The following WWOX variants were observed in gnomAD, a reference collection of about 807,000 sequenced individuals.
WWOX encodes the protein WW domain containing oxidoreductase.
A neutral mutation model predicts 46.2 loss-of-function variants in WWOX; 69 were observed. The ratio of observed to expected loss-of-function variants is 1.49; its 90% confidence interval spans 1.23 to 1.82. The LOEUF (loss-of-function observed/expected upper bound fraction) is 1.82, where lower values mean the gene tolerates loss of function less well. WWOX is among the 40% of genes most tolerant of loss of function. WWOX has a pLI of 0.00. For missense variants in WWOX, 919 were observed against 542.6 expected, an observed-to-expected ratio of 1.69 and a Z score of -6.89; for synonymous variants, 359 against 202.6, an observed-to-expected ratio of 1.77 and a Z score of -6.56.
intron 8 of WWOX, among the ~76,000 whole-genome samples, chr16:78,663,305 T>C (rs533501200): frequency 3.9e-5 from 6 of 152,226 alleles, no homozygotes; most frequent in Admixed American, 3.9e-4. Flanking sequence ...TGTTATTTCA[T>C]GTATTAATAT....
intron 8 of WWOX, among the ~76,000 whole-genome samples, chr16:79,090,807 T>C (rs2048944417): frequency 6.6e-6 from 1 of 152,092 alleles, no homozygotes; most frequent in South Asian, 2.1e-4. Context: ...AAGACTCTGT[T>C]TTGGTTATTT....
chr16:78,466,694 A>G (rs551545232), intron 8 of WWOX, among the ~76,000 whole-genome samples: 1 of 152,126 alleles, frequency 6.6e-6, no homozygotes, highest in Non-Finnish European at 1.5e-5. Context: ...CTATAAATAC[A>G]AAAATTAGCC....
chr16:78,178,737 G>A (rs554065577), intron 5 of WWOX, among the ~76,000 whole-genome samples: 2 of 152,164 alleles, frequency 1.3e-5, no homozygotes, highest in South Asian at 4.1e-4. Context: ...CTTGGCGCAT[G>A]GCTATAATCC....
intron 8 of WWOX, among the ~76,000 whole-genome samples, chr16:78,811,870 T>G (rs2051198673): frequency 6.6e-6 from 1 of 152,228 alleles, no homozygotes; most frequent in African/African-American, 2.4e-5. Flanking sequence ...TTAAGCTTGG[T>G]AAGCCTCTCT....
At position 78,887,080 on chromosome 16, in the gene WWOX, GTGTGTGTGTGTGTGTGTGTGT is replaced by G. The variant is rs2044476710; in HGVS notation, c.1057-324527_1057-324507del. 5.3e-3 allele frequency among the ~76,000 whole-genome samples: 655 copies of G among 122,556 alleles called. 8 individuals are homozygous for G. The highest frequency in any genetic ancestry group is 6.8e-3 in the Non-Finnish European group (418 of 61,318). 80.4% of individuals were successfully genotyped at this position (122,556 alleles called of 152,430 possible). On this transcript the variant is annotated intron_variant, in intron 8 of 8. Transcript: ENST00000566780. ...CTGGCTATATGTGTGTGTGTGTGGT[GTGTGTGTGTGTGTGTGTGTGT>G]GTGTGTGTGTGTGTGTGTGTGTGTG... is the stretch of plus-strand genomic sequence containing the variant.
intron 8 of WWOX, among the ~76,000 whole-genome samples, chr16:78,842,880 G>T (rs1434572652): frequency 6.7e-6 from 1 of 149,718 alleles, no homozygotes; most frequent in Non-Finnish European, 1.5e-5. Context: ...GAATACAAGG[G>T]GGGATAAAGA....
chr16:79,005,674 T>C (rs2047176520), intron 8 of WWOX, among the ~76,000 whole-genome samples: 1 of 152,184 alleles, frequency 6.6e-6, no homozygotes, highest in African/African-American at 2.4e-5. Flanking sequence ...ATGTTCTTCT[T>C]ATAAGGACAC....
rs141926197 is a variant in WWOX at position 78,820,906 on chromosome 16, A to C, written c.1056+388154A>C. On this transcript the variant is annotated intron_variant, in intron 8 of 8. Transcript: ENST00000566780. ...TTGGAAACACCACATTCTAATCTCT[A>C]CTTCCTCCCTTACATCACCTTCTCC... Among the ~76,000 whole-genome samples the C allele has an allele frequency of 8.6e-3, 1,314 of 152,004 alleles. 7 individuals carry two copies. The highest frequency in any genetic ancestry group is 0.013 in the Non-Finnish European group (914 of 67,948).
At chr16:79,198,218 A>G (rs1196032639) in intron 8 of WWOX, among the ~76,000 whole-genome samples, 2 of 152,090 alleles carry the variant, frequency 1.3e-5, no homozygotes, top group Non-Finnish European at 2.9e-5. Flanking sequence ...TGTGCCTGCA[A>G]TCCCAGCTAC....
At chr16:79,194,239 T>G (rs2010020) in intron 8 of WWOX, among the ~76,000 whole-genome samples, 14,380 of 152,244 alleles carry the variant, frequency 0.094, 818 homozygotes, top group East Asian at 0.17. Flanking sequence ...ACTGGTCATT[T>G]TGTTTATCCA....
intron 8 of WWOX, among the ~76,000 whole-genome samples, chr16:78,733,681 G>C (rs1394706789): frequency 6.6e-6 from 1 of 152,046 alleles, no homozygotes; most frequent in Admixed American, 6.5e-5. Flanking sequence ...TTTGAACTTG[G>C]GAGGTGGAGG....
chr16:78,998,538 G>C (rs2047033886), intron 8 of WWOX, among the ~76,000 whole-genome samples: 1 of 152,130 alleles, frequency 6.6e-6, no homozygotes. Flanking sequence ...TCAAATCTTG[G>C]CTCTACCACC....
intron 8 of WWOX, among the ~76,000 whole-genome samples, chr16:79,150,793 C>T (rs1040106900): frequency 3.3e-5 from 5 of 152,134 alleles, no homozygotes; most frequent in African/African-American, 9.7e-5. Context: ...AGGCGTGTGT[C>T]ACTGCATCCA....
chr16:78,871,966 G>C (rs1169153565), intron 8 of WWOX, among the ~76,000 whole-genome samples: 1 of 152,172 alleles, frequency 6.6e-6, no homozygotes, highest in African/African-American at 2.4e-5. Flanking sequence ...GGAGAGCTTG[G>C]CTGTGGCCTT....
chr16:78,418,778 C>T (rs1270319410), intron 6 of WWOX, among the ~76,000 whole-genome samples: 1 of 152,026 alleles, frequency 6.6e-6, no homozygotes, highest in Non-Finnish European at 1.5e-5. Context: ...AAACTTGGAA[C>T]AAAGTGGCAT....
intron 8 of WWOX, among the ~76,000 whole-genome samples, chr16:78,848,692 G>T (rs1380612198): frequency 6.6e-6 from 1 of 152,134 alleles, no homozygotes; most frequent in African/African-American, 2.4e-5. Context: ...GCAAAGCCTA[G>T]ATCAGTCTGC....
At chr16:78,635,321 G>A (rs1361825882) in intron 8 of WWOX, among the ~76,000 whole-genome samples, 2 of 152,140 alleles carry the variant, frequency 1.3e-5, no homozygotes, top group Admixed American at 6.6e-5. Context: ...AAAAGCCTGA[G>A]GAAGGATGGC....
chr16:78,686,098 A>G lies in WWOX; in HGVS notation c.1056+253346A>G, dbSNP rs556519874. 1.8e-4 allele frequency among the ~76,000 whole-genome samples: 27 copies of G among 152,324 alleles called. No homozygotes were observed. The South Asian group carries it at 5.2e-3, about 29-fold the overall frequency. The stretch of plus-strand genomic sequence containing the variant: ...TGGGATCTATAGATTGGGGAAAGAC[A>G]TTCATACAGTCAGGACCAGATGTTC... On this transcript the variant is annotated intron_variant, in intron 8 of 8. Transcript: ENST00000566780.
intron 5 of WWOX, among the ~76,000 whole-genome samples, chr16:78,386,315 T>G (rs916354101): frequency 2.6e-5 from 4 of 152,200 alleles, no homozygotes; most frequent in Admixed American, 1.3e-4. Flanking sequence ...TTTCTGGGTT[T>G]ACTAAGCCAG....
Sources: allele counts gnomAD v4.1 joint callset (sites outside exome capture counted in the v4.1 genomes callset), GRCh38; gene constraint gnomAD v4.1.1; transcripts MANE v1.5; gene names NCBI Gene and HGNC (gene_info 2026-07-23, HGNC 2026-07-21).